The following MAP4K1 variants were observed in gnomAD, a reference collection of about 807,000 sequenced individuals.
MAP4K1 encodes the protein MAPK/ERK kinase kinase kinase 1.
MAP4K1 carries 35 observed loss-of-function variants against 122.8 expected under a neutral mutation model. That is an observed-to-expected ratio of 0.29 (90% CI 0.22 to 0.38). The LOEUF (loss-of-function observed/expected upper bound fraction) is 0.38. Among genes scored for constraint, MAP4K1 ranks in the 10% least tolerant of loss-of-function variants. The pLI, the probability that MAP4K1 is intolerant of heterozygous loss-of-function variation, is 1.00. For missense variants in MAP4K1, 791 were observed against 1,072.6 expected, an observed-to-expected ratio of 0.74 and a Z score of 3.67; for synonymous variants, 412 against 421.3, an observed-to-expected ratio of 0.98 and a Z score of 0.27.
At position 38,610,044 on chromosome 19, in the gene MAP4K1, G is replaced by A. The variant is rs754267794; in HGVS notation, c.811-19C>T. On this transcript the variant is annotated intron_variant, in intron 11 of 30. Transcript: ENST00000396857. ...GTTGATGCTGGCGGAGGGAAGAGGT[G>A]TCCGTATCCAGAGGGATGGTGTGGA... The A allele has an allele frequency of 5.8e-6, 9 of 1,558,012 alleles. No individual in the cohort carries two copies. The Admixed American group carries it at 1.0e-4, about 17-fold the overall frequency.
rs58402161 is a variant in MAP4K1, at chr19:38,590,965, TCACACACACA to T, written c.2396+2307_2396+2316del. ...TCATTCCCAAATATTCATTAAAAAA[TCACACACACA>T]CACACACACACACACACACACACAC... On this transcript the variant is annotated intron_variant, in intron 30 of 30. Coordinates refer to ENST00000396857, the MANE Select transcript of MAP4K1 (RefSeq NM_001042600.3). Among the ~76,000 whole-genome samples the T allele has an allele frequency of 3.4e-3, 461 of 137,396 alleles. 1 individual carries two copies. Among genetic ancestry groups the T allele is most frequent in the African/African-American group, 0.011 (423 of 38,010 alleles). 90.1% of individuals were successfully genotyped at this position (137,396 alleles called of 152,430 possible).
intron 19 of MAP4K1, among the ~76,000 whole-genome samples, chr19:38,602,138 C>T (rs1975082636): frequency 6.6e-6 from 1 of 152,030 alleles, no homozygotes. Flanking sequence ...TGCAGTGATG[C>T]AATCTCAGCT....
intron 29 of MAP4K1, among the ~76,000 whole-genome samples, chr19:38,594,839 GC>G (rs1363486495): frequency 6.6e-6 from 1 of 151,992 alleles, no homozygotes; most frequent in Non-Finnish European, 1.5e-5. Flanking sequence ...TACTCAGGAG[GC>G]TGAGGCAGGA....
intron 19 of MAP4K1, 73 bp from the exon 20 acceptor site, chr19:38,601,598 C>T (rs1265755977): frequency 5.1e-6 from 6 of 1,170,164 alleles, no homozygotes; most frequent in East Asian, 2.6e-5. Context: ...GCAGTGGTTA[C>T]GACTTTGGAG....
chr19:38,593,259 C>T (rs1336241532), intron 30 of MAP4K1, 23 bp downstream of exon 30: 7 of 1,608,604 alleles, frequency 4.4e-6, no homozygotes, highest in Non-Finnish European at 5.9e-6. Flanking sequence ...CCAGGTCCTT[C>T]TGCACCCCAC....
intron 21 of MAP4K1, 27 bp downstream of exon 21, chr19:38,600,050 T>G: frequency 6.2e-7 from 1 of 1,614,144 alleles, no homozygotes; most frequent in Non-Finnish European, 8.5e-7. Context: ...GCCCTTGCCC[T>G]TGCCCTGGCC....
chr19:38,607,431 G>T (rs999886048), intron 16 of MAP4K1, among the ~76,000 whole-genome samples: 9 of 151,928 alleles, frequency 5.9e-5, no homozygotes, highest in Admixed American at 4.6e-4. Context: ...ATGGTGGCAG[G>T]TGCCTGTAAT....
At chr19:38,606,695 A>T (rs1975338642) in intron 16 of MAP4K1, among the ~76,000 whole-genome samples, 1 of 152,174 alleles carries the variant, frequency 6.6e-6, no homozygotes, top group African/African-American at 2.4e-5. Flanking sequence ...CATCCTACAA[A>T]AAAATGATTA....
rs1974667282 is a variant in MAP4K1 at position 38,590,371 on chromosome 19, C to A, written c.2397-2554G>T. Among the ~76,000 whole-genome samples, 2 of 18,948 alleles carry A rather than the reference C, an allele frequency of 1.1e-4. 1 individual carries two copies. Among genetic ancestry groups the A allele is most frequent in the Non-Finnish European group, 1.6e-4 (2 of 12,408 alleles). The allele number at this position is 18,948 out of a possible 152,430, so 12.4% of individuals were successfully genotyped here. On this transcript the variant is annotated intron_variant, in intron 30 of 30. Coordinates refer to ENST00000396857, the MANE Select transcript of MAP4K1 (RefSeq NM_001042600.3). Reference sequence around the variant, plus strand: ...CTAAGTGCCACCTATGATCTTGGACCAGAAAAAAAAAAAAAAAAAAAAAAT... The same window carrying A: ...CTAAGTGCCACCTATGATCTTGGACAAGAAAAAAAAAAAAAAAAAAAAAAT...
intron 20 of MAP4K1, among the ~76,000 whole-genome samples, chr19:38,600,586 A>T (rs923080895): frequency 6.6e-6 from 1 of 151,844 alleles, no homozygotes; most frequent in Admixed American, 6.6e-5. Context: ...CCTTGTCTTC[A>T]TCTCTTTGAT....
rs551643529 is a variant in MAP4K1, at chr19:38,617,458, G to A, written c.158-14C>T. ...AGACATCATCATCTGTGAGGAGGGC[G>A]GGAGAGAAAAGGCAGCTCGCATGGG... On this transcript the variant is annotated splice_polypyrimidine_tract_variant and intron_variant, in intron 2 of 30. Transcript: ENST00000396857. The surrounding 1 kb of genome is among the most constrained non-coding windows in gnomAD (Gnocchi z 4.1). 45 of 1,605,940 alleles carry A rather than the reference G, an allele frequency of 2.8e-5. No homozygotes were observed. The South Asian group carries it at 4.5e-4, about 16-fold the overall frequency.
intron 30 of MAP4K1, among the ~76,000 whole-genome samples, chr19:38,591,888 G>A (rs916653146): frequency 7.3e-5 from 11 of 151,146 alleles, no homozygotes; most frequent in Middle Eastern, 3.4e-3. Flanking sequence ...GGAGAATCGC[G>A]TGAACCCAGT....
intron 30 of MAP4K1, among the ~76,000 whole-genome samples, chr19:38,592,909 C>T (rs1354887307): frequency 6.7e-6 from 1 of 149,408 alleles, no homozygotes; most frequent in Non-Finnish European, 1.5e-5. Context: ...AAAAGCAAAA[C>T]TCCATCTCAA....
intron 26 of MAP4K1, 56 bp downstream of exon 26, chr19:38,596,256 C>A (rs1974874605): frequency 6.7e-7 from 1 of 1,485,544 alleles, no homozygotes. Context: ...CCGCCTCCAG[C>A]TCCGCCCCTC....
In MAP4K1 at chr19:38,598,047, A is replaced by G. The variant is rs941554332; in HGVS notation, c.1670-453T>C. Among the ~76,000 whole-genome samples, 10 of 151,958 alleles carry G rather than the reference A, an allele frequency of 6.6e-5. No individual in the cohort carries two copies. In the South Asian group the frequency reaches 1.9e-3, roughly 28 times the overall value. On this transcript the variant is annotated intron_variant, in intron 22 of 30. Coordinates refer to ENST00000396857, the MANE Select transcript of MAP4K1 (RefSeq NM_001042600.3). ...TCATTTATTTATTATTATTATTATT[A>G]TTTTAGACAGTCTCGCTCTGTCACC...
chr19:38,605,823 T>A, intron 17 of MAP4K1, 93 bp from the exon 18 acceptor site: 2 of 1,277,632 alleles, frequency 1.6e-6, no homozygotes, highest in Non-Finnish European at 2.2e-6. Flanking sequence ...CCACCAGAAC[T>A]AACAGCTGTG....
At chr19:38,606,149 C>T in intron 17 of MAP4K1, 24 bp downstream of exon 17, 1 of 1,576,758 alleles carries the variant, frequency 6.3e-7, no homozygotes, top group Non-Finnish European at 8.6e-7. Context: ...GCCCCAGCCT[C>T]CCAGCTCTGG....
At chr19:38,610,284 C>A (rs1975456114) in intron 11 of MAP4K1, among the ~76,000 whole-genome samples, 1 of 151,696 alleles carries the variant, frequency 6.6e-6, no homozygotes, top group Non-Finnish European at 1.5e-5. Flanking sequence ...AGGCTCACTG[C>A]AACCTCCACC....
intron 20 of MAP4K1, among the ~76,000 whole-genome samples, chr19:38,601,201 A>G (rs1423166016): frequency 1.3e-5 from 2 of 151,506 alleles, no homozygotes; most frequent in African/African-American, 4.9e-5. Context: ...CACCCGCCTC[A>G]GCCTCCCAAA....
Sources: gnomAD v4.1 joint callset for allele counts (sites outside exome capture counted in the v4.1 genomes callset) on GRCh38, gnomAD v4.1.1 for gene constraint, Gnocchi (gnomAD v3.1) non-coding constraint, MANE v1.5 for transcripts, NCBI Gene and HGNC (gene_info 2026-07-23, HGNC 2026-07-21) for gene names.